Variants in RYR3 observed in about 807,000 individuals in gnomAD.
RYR3 encodes the protein brain ryanodine receptor-calcium release channel.
A neutral mutation model predicts 584.3 loss-of-function variants in RYR3; 207 were observed. The ratio of observed to expected loss-of-function variants is 0.35; its 90% CI spans 0.32 to 0.40. RYR3 has a LOEUF of 0.40. RYR3 is among the 10% of genes least tolerant of loss of function. The probability of loss-of-function intolerance (pLI) is 1.00; values close to 1 mark genes in which losing one functional copy is unlikely to be tolerated. For missense variants in RYR3, 5,616 were observed against 6,089.2 expected (o/e 0.92, Z 2.59); for synonymous variants, 2,416 against 2,248.5 (o/e 1.07, Z -2.11).
intron 12 of RYR3, among the ~76,000 whole-genome samples, chr15:33,567,624 G>T (rs1472142061): frequency 6.6e-6 from 1 of 152,170 alleles, no homozygotes; most frequent in Non-Finnish European, 1.5e-5. Flanking sequence ...AGGTGGTTTA[G>T]GGAAAATAGG....
intron 48 of RYR3, among the ~76,000 whole-genome samples, chr15:33,732,921 C>A (rs913083389): frequency 6.6e-6 from 1 of 152,146 alleles, no homozygotes; most frequent in Non-Finnish European, 1.5e-5. Flanking sequence ...TGAATGAGTT[C>A]TTTTCTAATC....
chr15:33,473,315 C>A, intron 1 of RYR3, 104 bp from the exon 2 acceptor site: 2 of 1,304,734 alleles, frequency 1.5e-6, no homozygotes, highest in Non-Finnish European at 2.2e-6. Context: ...AAGCACGTGG[C>A]TGTCAGGGAT....
chr15:33,773,456 C>A, intron 63 of RYR3, 78 bp from the exon 64 acceptor site: 1 of 892,012 alleles, frequency 1.1e-6, no homozygotes, highest in South Asian at 1.4e-5. Flanking sequence ...GATGCTCATG[C>A]ATTTTTTTTT....
At chr15:33,677,817 T>G (rs544157752) in intron 38 of RYR3, among the ~76,000 whole-genome samples, 7 of 152,186 alleles carry the variant, frequency 4.6e-5, no homozygotes, top group Non-Finnish European at 1.0e-4. Flanking sequence ...AATACACACC[T>G]GTCACGAGCC....
intron 1 of RYR3, among the ~76,000 whole-genome samples, chr15:33,323,654 C>T (rs1969308995): frequency 6.6e-6 from 1 of 152,128 alleles, no homozygotes; most frequent in Admixed American, 6.5e-5. Flanking sequence ...AAGCCTTAGC[C>T]AAGTGAAAAC....
At chr15:33,739,729 A>C in intron 50 of RYR3, 103 bp from the exon 51 acceptor site, 1 of 928,470 alleles carries the variant, frequency 1.1e-6, no homozygotes, top group Non-Finnish European at 1.6e-6. Flanking sequence ...AACCTGGATA[A>C]ATGCGCGTAT....
rs757544723 is a variant in RYR3 at position 33,865,166 on chromosome 15, T to C, written c.14553T>C (p.Cys4851=). The change falls in exon 104 of 104, where the codon TGT becomes TGC. Residue 4851 remains cysteine, a synonymous_variant. Transcript: ENST00000634891. ...SYVWKMYQER[C]WDFFPAGDCF... The stretch of plus-strand genomic sequence containing the variant: ...TCTGGAAGATGTACCAAGAAAGGTG[T>C]TGGGATTTCTTCCCAGCCGGTGACT... 6.2e-6 allele frequency: 10 copies of C among 1,613,718 alleles called. No individual in the cohort carries two copies. In the African/African-American group the frequency reaches 6.7e-5, roughly 11 times the overall value.
intron 2 of RYR3, among the ~76,000 whole-genome samples, chr15:33,478,731 T>G (rs2049669086): frequency 6.6e-6 from 1 of 152,226 alleles, no homozygotes; most frequent in African/African-American, 2.4e-5. Context: ...CCTTGTTAGA[T>G]ATATCCGGAA....
intron 38 of RYR3, among the ~76,000 whole-genome samples, chr15:33,671,490 A>T (rs2132208): frequency 0.79 from 119,921 of 152,088 alleles, 49,141 homozygotes; most frequent in East Asian, 0.92. Context: ...CGACCTTTCA[A>T]CTTTGTCAGA....
At chr15:33,585,900 T>TC (rs2058825200) in intron 15 of RYR3, 98 bp from the exon 16 acceptor site, 1 of 690,590 alleles carries the variant, frequency 1.4e-6, no homozygotes, top group South Asian at 1.7e-5. Context: ...CGATATCCTG[T>TC]CCCCTCAGGA....
intron 65 of RYR3, among the ~76,000 whole-genome samples, chr15:33,782,837 A>G (rs1484060954): frequency 6.6e-6 from 1 of 152,162 alleles, no homozygotes; most frequent in African/African-American, 2.4e-5. Flanking sequence ...TTATCCAAAA[A>G]TTATTAAGAT....
intron 46 of RYR3, among the ~76,000 whole-genome samples, chr15:33,728,353 A>C (rs1192621281): frequency 1.3e-5 from 2 of 152,246 alleles, no homozygotes; most frequent in East Asian, 3.8e-4. Flanking sequence ...ACAGTGAAAT[A>C]ATTAGGAAGT....
Position 33,578,733 on chromosome 15 carries a change from C to T in RYR3, c.1269-1243C>T, listed in dbSNP as rs1595685743. ...GGCACACGTCTGTGTAACAAACCTG[C>T]ACATCCTGCACATGTATCCCAGAAC... On this transcript the variant is annotated intron_variant, in intron 12 of 103. Coordinates refer to ENST00000634891, the MANE Select transcript of RYR3 (RefSeq NM_001036.6). Among the ~76,000 whole-genome samples the T allele has an allele frequency of 2.0e-5, 3 of 150,796 alleles. No homozygotes were observed. In the South Asian group the frequency reaches 6.3e-4, roughly 32 times the overall value.
At chr15:33,551,086 G>T (rs2056641359) in intron 10 of RYR3, among the ~76,000 whole-genome samples, 1 of 152,186 alleles carries the variant, frequency 6.6e-6, no homozygotes, top group African/African-American at 2.4e-5. Flanking sequence ...GTCTAACTCA[G>T]TGCTGGATCT....
At chr15:33,397,051 A>G (rs1595964712) in intron 1 of RYR3, among the ~76,000 whole-genome samples, 1 of 152,234 alleles carries the variant, frequency 6.6e-6, no homozygotes, top group South Asian at 2.1e-4. Context: ...AGAAGGCAAC[A>G]ATACATTTGA....
chr15:33,427,074 C>T (rs1310403622), intron 1 of RYR3, among the ~76,000 whole-genome samples: 5 of 152,080 alleles, frequency 3.3e-5, no homozygotes, highest in South Asian at 2.1e-4. Context: ...GAGATGCAAA[C>T]GTTTAGTTCA....
chr15:33,733,398 A>G (rs868611429), intron 48 of RYR3, among the ~76,000 whole-genome samples: 4 of 152,238 alleles, frequency 2.6e-5, no homozygotes, highest in Admixed American at 6.5e-5. Flanking sequence ...ACATCAGACC[A>G]TGGAATTTAT....
intron 102 of RYR3, among the ~76,000 whole-genome samples, chr15:33,862,736 GAGT>G (rs1888831747): frequency 6.6e-6 from 1 of 152,042 alleles, no homozygotes; most frequent in South Asian, 2.1e-4. Context: ...TCAGCCTCCT[GAGT>G]AGCTGGGACT....
chr15:33,799,846 C>T (rs2075826764), intron 67 of RYR3, among the ~76,000 whole-genome samples: 1 of 152,138 alleles, frequency 6.6e-6, no homozygotes, highest in African/African-American at 2.4e-5. Context: ...GACATTCAGT[C>T]AGTGTCTGAA....
Sources: allele counts gnomAD v4.1 joint callset (sites outside exome capture counted in the v4.1 genomes callset), GRCh38; gene constraint gnomAD v4.1.1; transcripts MANE v1.5; gene names NCBI Gene and HGNC (gene_info 2026-07-23, HGNC 2026-07-21).